Variants in NIF3L1 observed in about 807,000 individuals in gnomAD.
NIF3L1 encodes NGG1 interacting factor 3 like 1.
Under a neutral mutation model 35.0 loss-of-function variants are expected in NIF3L1, and 26 were observed. That is an observed-to-expected ratio of 0.74 (90% CI 0.54 to 1.03). NIF3L1 has a LOEUF of 1.03. Among genes scored for constraint, NIF3L1 ranks in the 50% least tolerant of loss-of-function variants. The probability of loss-of-function intolerance (pLI) is 0.00; values close to 1 mark genes in which losing one functional copy is unlikely to be tolerated. For synonymous variants in NIF3L1, 157 were observed against 178.9 expected (o/e 0.88, Z 0.98); for missense variants, 449 against 466.3 (o/e 0.96, Z 0.34).
At chr2:200,893,471 C>T in intron 3 of NIF3L1, 63 bp downstream of exon 3, 1 of 1,496,464 alleles carries the variant, frequency 6.7e-7, no homozygotes, top group Non-Finnish European at 9.3e-7. Context: ...CTTACAAAGT[C>T]TATAACCCTG....
intron 6 of NIF3L1, among the ~76,000 whole-genome samples, chr2:200,900,708 G>C (rs2124899303): frequency 6.6e-6 from 1 of 152,226 alleles, no homozygotes; most frequent in South Asian, 2.1e-4. Flanking sequence ...ATTTTTGTAA[G>C]CCCTTAAATT....
chr2:200,895,949 C>G (rs1575135129), intron 4 of NIF3L1, among the ~76,000 whole-genome samples: 10 of 151,532 alleles, frequency 6.6e-5, no homozygotes, highest in Admixed American at 6.6e-4. Context: ...TTCAGTATAT[C>G]CAAATACTTT....
At position 200,897,145 on chromosome 2, in the gene NIF3L1, A is replaced by G; in HGVS notation, c.796A>G (p.Ile266Val). The G allele has an allele frequency of 6.2e-7, 1 of 1,614,076 alleles. No homozygotes were observed. The highest frequency in any genetic ancestry group is 1.1e-5 in the South Asian group (1 of 91,082). ...LDESVSLATM[I>V]DRIKRHLKLS... is the part of the protein sequence containing the mutation. ...TGAATCTGTCTCCCTGGCAACCATG[A>G]TTGATCGAATAAAAAGACACCTAAA... Residue 266 changes from isoleucine (I) to valine (V), a missense_variant, in exon 5 of 7, where the codon ATT becomes GTT. Physicochemically the swap from Ile to Val is conservative, Grantham distance 29 (BLOSUM62 3). Coordinates refer to ENST00000409020, the MANE Select transcript of NIF3L1 (RefSeq NM_001369441.2).
chr2:200,891,887 C>A lies in NIF3L1; in HGVS notation c.-26-31C>A. Reference sequence around the variant, plus strand: ...TCAAAGATCCAGGCCTAAAGTATACCTGTGTACCATTTTCTTTGTTTTGAC... The same window carrying A: ...TCAAAGATCCAGGCCTAAAGTATACATGTGTACCATTTTCTTTGTTTTGAC... On this transcript the variant is annotated intron_variant, in intron 1 of 6. Coordinates refer to ENST00000409020, the MANE Select transcript of NIF3L1 (RefSeq NM_001369441.2). The A allele has an allele frequency of 3.7e-6, 5 of 1,334,820 alleles. No homozygotes were observed. In the Admixed American group the frequency reaches 1.1e-4, roughly 29 times the overall value. 82.7% of individuals were successfully genotyped at this position (1,334,820 alleles called of 1,614,324 possible).
chr2:200,889,374 GA>G lies in NIF3L1; in HGVS notation c.-304del, dbSNP rs1421061617. The G allele has an allele frequency of 1.0e-5, 3 of 293,378 alleles. No individual in the cohort carries two copies. The highest frequency in any genetic ancestry group is 4.4e-5 in the African/African-American group (2 of 45,624). 18.2% of individuals were successfully genotyped at this position (293,378 alleles called of 1,614,324 possible). A position where few individuals can be genotyped will look rare whatever the true frequency, so the allele number is the denominator to read the frequency against. ...CCGACGCGGGACCGGAAGTGACGCA[GA>G]GAAGTTTCCGGGACTGGTGAGTAGT... On this transcript the variant is annotated 5_prime_UTR_variant, in exon 1 of 7. Transcript: ENST00000409020.
Position 200,893,096 on chromosome 2 carries a change from T to C in NIF3L1, c.437-150T>C, listed in dbSNP as rs555434048. ...CCCTAGATTATGGGGACTGGTGATG[T>C]ATATCTAAGGGATGTGTGTATGTTA... On this transcript the variant is annotated intron_variant, in intron 2 of 6. Transcript: ENST00000409020. 6.3e-5 allele frequency: 30 copies of C among 475,230 alleles called. No homozygotes were observed. The East Asian group carries it at 9.0e-4, about 14-fold the overall frequency. The allele number at this position is 475,230 out of a possible 1,614,324, so 29.4% of individuals were successfully genotyped here.
Position 200,903,554 on chromosome 2 carries a change from G to A in NIF3L1, c.1010G>A (p.Cys337Tyr). ...AASQGINVIL[C>Y]EHSNTERGFL... ...TCCCAAGGAATAAATGTCATCCTCTGTGAACACAGCAACACTGAACGAGGC... is the reference window on the plus strand; with the variant it reads ...TCCCAAGGAATAAATGTCATCCTCTATGAACACAGCAACACTGAACGAGGC... The change falls in exon 7 of 7, where the codon TGT (cysteine) becomes TAT (tyrosine). Residue 337 changes from cysteine (C) to tyrosine (Y), a missense_variant. Transcript: ENST00000409020. 1.9e-6 allele frequency: 3 copies of A among 1,614,066 alleles called. No individual in the cohort carries two copies. Among genetic ancestry groups the A allele is most frequent in the Non-Finnish European group, 2.5e-6 (3 of 1,179,934 alleles).
intron 1 of NIF3L1, 144 bp downstream of exon 1, chr2:200,889,796 T>C (rs1319910867): frequency 6.6e-6 from 1 of 152,318 alleles, no homozygotes; most frequent in African/African-American, 2.4e-5. Flanking sequence ...CTATTTCCAT[T>C]AAGGAGGAAA....
chr2:200,889,419 C>G lies in NIF3L1; in HGVS notation c.-260C>G, dbSNP rs1575127664. The G allele has an allele frequency of 4.2e-6, 1 of 237,808 alleles. No homozygotes were observed. Among genetic ancestry groups the G allele is most frequent in the East Asian group, 1.1e-4 (1 of 9,092 alleles). 14.7% of individuals were successfully genotyped at this position (237,808 alleles called of 1,614,324 possible). A position where few individuals can be genotyped will look rare whatever the true frequency, so the allele number is the denominator to read the frequency against. On this transcript the variant is annotated 5_prime_UTR_variant, in exon 1 of 7. Coordinates refer to ENST00000409020, the MANE Select transcript of NIF3L1 (RefSeq NM_001369441.2). ...GAGTAGTGGGCGATTTAAAAACCCGCGAGTGTAGTTGTGACCTTCGCGGTA... is the reference window on the plus strand; with the variant it reads ...GAGTAGTGGGCGATTTAAAAACCCGGGAGTGTAGTTGTGACCTTCGCGGTA...
chr2:200,892,280 G>A lies in NIF3L1; in HGVS notation c.337G>A (p.Val113Met), dbSNP rs374884190. ...CTGGAACACATGGAAGGAGCGCCTGGTGATCCGGGCTCTGGAGAACAGAGT... is the reference window on the plus strand; with the variant it reads ...CTGGAACACATGGAAGGAGCGCCTGATGATCCGGGCTCTGGAGAACAGAGT... ...ITWNTWKERLVIRALENRVGI... is the reference protein window; with the variant it reads ...ITWNTWKERLMIRALENRVGI... The change falls in exon 2 of 7, where the codon GTG becomes ATG. Residue 113 changes from valine to methionine, a missense_variant. By Grantham distance (21) the Val-to-Met change is conservative (BLOSUM62 1). Transcript: ENST00000409020. 5 of 1,613,990 alleles carry A rather than the reference G, an allele frequency of 3.1e-6. No individual in the cohort carries two copies. Among genetic ancestry groups the A allele is most frequent in the South Asian group, 2.2e-5 (2 of 91,094 alleles).
At chr2:200,896,985 A>T in intron 4 of NIF3L1, 91 bp from the exon 5 acceptor site, 1 of 1,250,474 alleles carries the variant, frequency 8.0e-7, no homozygotes, top group Non-Finnish European at 1.1e-6. Context: ...AGCTTGCTAT[A>T]GTAATCTCAC....
intron 6 of NIF3L1, among the ~76,000 whole-genome samples, chr2:200,902,116 A>AT (rs550269624): frequency 3.2e-4 from 48 of 152,204 alleles, no homozygotes; most frequent in Admixed American, 1.2e-3. Context: ...AAGAGAACTC[A>AT]TTTTTTTCCA....
Position 200,893,396 on chromosome 2 carries a change from C to G in NIF3L1, c.587C>G (p.Ser196Cys). The G allele has an allele frequency of 6.2e-7, 1 of 1,613,754 alleles. No individual in the cohort carries two copies. ...GGAATTGACGGTGTTTCTGTCACTT[C>G]TTTTTCTGCTAGGTACAATTTATTT... is the stretch of plus-strand genomic sequence containing the variant. ...VKGIDGVSVT[S>C]FSARTGNEEQ... Residue 196 changes from serine (S) to cysteine (C), a missense_variant, in exon 3 of 7, where the codon TCT becomes TGT. Physicochemically the swap from Ser to Cys is moderately radical, Grantham distance 112. Transcript: ENST00000409020.
In NIF3L1 at chr2:200,895,348, C is replaced by A. The variant is rs768266789; in HGVS notation, c.684C>A (p.Asn228Lys). 8.1e-6 allele frequency: 13 copies of A among 1,613,808 alleles called. No individual in the cohort carries two copies. The South Asian group carries it at 1.3e-4, about 16-fold the overall frequency. The stretch of plus-strand genomic sequence containing the variant: ...AGGTGGTAGATTTTCTTTCCCGGAA[C>A]AAACAACTTTATCAGAAGACGGAAA... ...LMQVVDFLSR[N>K]KQLYQKTEIL... Residue 228 changes from asparagine to lysine, a missense_variant, in exon 4 of 7, where the codon AAC becomes AAA. Physicochemically the swap from Asn to Lys is moderately conservative, Grantham distance 94 (BLOSUM62 0). Transcript: ENST00000409020.
At chr2:200,903,053 G>A (rs1239727781) in intron 6 of NIF3L1, among the ~76,000 whole-genome samples, 2 of 152,226 alleles carry the variant, frequency 1.3e-5, no homozygotes, top group Non-Finnish European at 2.9e-5. Context: ...CCAGGCTGAA[G>A]TGCAGTGGTG....
At chr2:200,894,735 AT>A (rs2040269380) in intron 3 of NIF3L1, among the ~76,000 whole-genome samples, 2 of 131,184 alleles carry the variant, frequency 1.5e-5, no homozygotes, top group African/African-American at 5.8e-5. Flanking sequence ...TTTAACTTTA[AT>A]TTTTTAATAA....
chr2:200,897,423 T>C (rs1417015709), intron 5 of NIF3L1, among the ~76,000 whole-genome samples: 1 of 152,168 alleles, frequency 6.6e-6, no homozygotes, highest in East Asian at 1.9e-4. Context: ...TGTCATGCTA[T>C]GTGTTCATTT....
chr2:200,898,284 A>G (rs1010207970), intron 5 of NIF3L1, among the ~76,000 whole-genome samples: 1 of 152,236 alleles, frequency 6.6e-6, no homozygotes, highest in Non-Finnish European at 1.5e-5. Flanking sequence ...TGGGGAGGCC[A>G]CAGGAAACTT....
In NIF3L1 at chr2:200,892,275, G is replaced by T. The variant is rs530878271; in HGVS notation, c.332G>T (p.Arg111Leu). 1.2e-6 allele frequency: 2 copies of T among 1,613,988 alleles called. No individual in the cohort carries two copies. The highest frequency in any genetic ancestry group is 1.7e-6 in the Non-Finnish European group (2 of 1,180,030). Residue 111 changes from arginine to leucine, a missense_variant, in exon 2 of 7, where the codon CGC becomes CTC. Arg to Leu is a moderately radical substitution (Grantham distance 102). Transcript: ENST00000409020. ...KRITWNTWKE[R>L]LVIRALENRV... ...ATAACCTGGAACACATGGAAGGAGCGCCTGGTGATCCGGGCTCTGGAGAAC... is the reference window on the plus strand; with the variant it reads ...ATAACCTGGAACACATGGAAGGAGCTCCTGGTGATCCGGGCTCTGGAGAAC...
Sources: allele counts gnomAD v4.1 joint callset (sites outside exome capture counted in the v4.1 genomes callset), GRCh38; gene constraint gnomAD v4.1.1; transcripts MANE v1.5; gene names NCBI Gene and HGNC (gene_info 2026-07-23, HGNC 2026-07-21).